Variants in POPDC2 observed in about 807,000 individuals in gnomAD.
POPDC2 encodes the protein popeye domain cAMP effector 2.
A neutral mutation model predicts 30.5 loss-of-function variants in POPDC2; 24 were observed. That is an observed-to-expected ratio of 0.79 (90% confidence interval 0.57 to 1.11). POPDC2 has a LOEUF of 1.11. Among genes scored for constraint, POPDC2 ranks in the 50% least tolerant of loss-of-function variants. The pLI is 0.00. For synonymous variants in POPDC2, 185 were observed against 183.3 expected, an observed-to-expected ratio of 1.01 and a Z score of -0.07; for missense variants, 409 against 447.0, an observed-to-expected ratio of 0.91 and a Z score of 0.77.
intron 1 of POPDC2, among the ~76,000 whole-genome samples, chr3:119,659,452 C>A (rs968877715): frequency 6.6e-5 from 10 of 152,210 alleles, no homozygotes; most frequent in African/African-American, 2.2e-4. Context: ...ATGAGAACCA[C>A]CCCGCTATCC....
intron 1 of POPDC2, among the ~76,000 whole-genome samples, chr3:119,655,648 A>C (rs566050826): frequency 6.6e-6 from 1 of 152,300 alleles, no homozygotes; most frequent in South Asian, 2.1e-4. Context: ...TAGACACTTT[A>C]CCAGTGTTCT....
At chr3:119,644,920 A>C (rs72957083) in intron 3 of POPDC2, among the ~76,000 whole-genome samples, 1 of 152,218 alleles carries the variant, frequency 6.6e-6, no homozygotes, top group South Asian at 2.1e-4. Context: ...TTCAAAACAC[A>C]ATTTCAGAAA....
chr3:119,653,327 G>C (rs77808877), intron 2 of POPDC2, among the ~76,000 whole-genome samples: 1,717 of 152,288 alleles, frequency 0.011, 26 homozygotes, highest in African/African-American at 0.038. Flanking sequence ...ATAAGTGAGA[G>C]CTACAAAGAA....
chr3:119,648,622 C>T lies in POPDC2; in HGVS notation c.647G>A (p.Arg216Gln), dbSNP rs564285845. ...ETSCSYISWP[R>Q]KSLHLLLTKE... ...GGTCAGAAGAAGATGGAGACTTTTC[C>T]GGGGCCAGGAAATGTAGCTACATGA... Residue 216 changes from arginine (R) to glutamine (Q), a missense_variant, in exon 3 of 4, where the codon CGG becomes CAG. Coordinates refer to ENST00000493094, the MANE Select transcript of POPDC2 (RefSeq NM_001369919.2). 1.7e-5 allele frequency: 28 copies of T among 1,614,056 alleles called. No homozygotes were observed. The South Asian group carries it at 2.5e-4, about 15-fold the overall frequency.
In POPDC2 at chr3:119,660,429, G is replaced by C; in HGVS notation, c.-6C>G. On this transcript the variant is annotated 5_prime_UTR_variant, in exon 1 of 4. Coordinates refer to ENST00000493094, the MANE Select transcript of POPDC2 (RefSeq NM_001369919.2). ...CTGCTGCTGTTGGCGCTCATCTTTG[G>C]GGCCTCTCAAAGCCTCACTGGGCTC... 1.2e-6 allele frequency: 2 copies of C among 1,607,966 alleles called. No homozygotes were observed. Among genetic ancestry groups the C allele is most frequent in the Non-Finnish European group, 1.7e-6 (2 of 1,176,190 alleles).
chr3:119,654,368 G>A, intron 2 of POPDC2, 137 bp downstream of exon 2: 1 of 640,658 alleles, frequency 1.6e-6, no homozygotes, highest in South Asian at 1.9e-5. Context: ...CTTTTCAGAG[G>A]AAGAGTGCCC....
At chr3:119,660,771 C>A (rs190991704), upstream of POPDC2, 3 of 198,306 alleles carry the variant, frequency 1.5e-5, no homozygotes, top group East Asian at 3.4e-4. Context: ...AAATTTGGTT[C>A]TTAGCAGAAA....
intron 2 of POPDC2, among the ~76,000 whole-genome samples, chr3:119,650,880 C>T (rs533308757): frequency 2.6e-5 from 4 of 152,364 alleles, no homozygotes; most frequent in African/African-American, 4.8e-5. Context: ...TAACATCAAA[C>T]ACTGAACTTC....
At chr3:119,653,871 C>T (rs542250289) in intron 2 of POPDC2, among the ~76,000 whole-genome samples, 7 of 152,168 alleles carry the variant, frequency 4.6e-5, no homozygotes, top group African/African-American at 1.7e-4. Context: ...CTTCAGAGTT[C>T]ACTGTGCAGA....
intron 2 of POPDC2, 124 bp from the exon 3 acceptor site, chr3:119,648,792 C>G: frequency 1.2e-6 from 1 of 831,464 alleles, no homozygotes; most frequent in Non-Finnish European, 1.9e-6. Context: ...TGTGGGAGTA[C>G]CCCTCTATGG....
chr3:119,656,354 G>A (rs953438713), intron 1 of POPDC2, among the ~76,000 whole-genome samples: 47 of 152,140 alleles, frequency 3.1e-4, no homozygotes, highest in Non-Finnish European at 5.4e-4. Context: ...CCAGAAATCC[G>A]AATTATTTGC....
chr3:119,647,702 TAAC>T (rs1396160986), intron 3 of POPDC2, among the ~76,000 whole-genome samples: 1 of 152,194 alleles, frequency 6.6e-6, no homozygotes, highest in Non-Finnish European at 1.5e-5. Flanking sequence ...CTAGGCTAAA[TAAC>T]AACTGCTTTC....
chr3:119,654,621 G>A lies in POPDC2; in HGVS notation c.492-8C>T, dbSNP rs1161781276. Reference sequence around the variant, plus strand: ...TCCTGGCTCACACGAACCCTGGCAAGGGAAGAGAAGAGATCATGTGGGAAA... The same window carrying A: ...TCCTGGCTCACACGAACCCTGGCAAAGGAAGAGAAGAGATCATGTGGGAAA... On this transcript the variant is annotated splice_region_variant and splice_polypyrimidine_tract_variant and intron_variant, in intron 1 of 3. Coordinates refer to ENST00000493094, the MANE Select transcript of POPDC2 (RefSeq NM_001369919.2). The A allele has an allele frequency of 7.5e-6, 12 of 1,608,610 alleles. No homozygotes were observed. Among genetic ancestry groups the A allele is most frequent in the Admixed American group, 6.7e-5 (4 of 59,980 alleles).
rs768065239 is a variant in POPDC2, at chr3:119,660,471, T to A, written c.-48A>T. The A allele has an allele frequency of 3.2e-6, 5 of 1,550,474 alleles. No homozygotes were observed. In the African/African-American group the frequency reaches 6.9e-5, roughly 21 times the overall value. ...ACTGGGCTCTAATACTGTCCTCACATAGGAAATTCAGAAAATGAATGAATC... is the reference window on the plus strand; with the variant it reads ...ACTGGGCTCTAATACTGTCCTCACAAAGGAAATTCAGAAAATGAATGAATC... On this transcript the variant is annotated 5_prime_UTR_variant, in exon 1 of 4. The change abolishes an upstream ATG in the 5' untranslated region. Coordinates refer to ENST00000493094, the MANE Select transcript of POPDC2 (RefSeq NM_001369919.2).
intron 2 of POPDC2, 129 bp downstream of exon 2, chr3:119,654,375 GC>G: frequency 3.0e-6 from 2 of 663,742 alleles, no homozygotes; most frequent in African/African-American, 1.8e-5. Flanking sequence ...GAGGAAGAGT[GC>G]CCCCGCCTGT....
At chr3:119,659,196 T>G (rs1402851616) in intron 1 of POPDC2, among the ~76,000 whole-genome samples, 1 of 152,250 alleles carries the variant, frequency 6.6e-6, no homozygotes, top group African/African-American at 2.4e-5. Context: ...ACTGTCAGCC[T>G]TCTCCAAAAG....
At chr3:119,645,379 G>A (rs1314589710) in intron 3 of POPDC2, among the ~76,000 whole-genome samples, 1 of 152,048 alleles carries the variant, frequency 6.6e-6, no homozygotes, top group African/African-American at 2.4e-5. Context: ...TGGCTAACAC[G>A]GTGAAACCCT....
rs994877358 is a variant in POPDC2, at chr3:119,648,515, G to A, written c.754C>T (p.Leu252Phe). ...SEKLYTLNDK[L>F]FAKFGLRFDI... ...AAGCGCAGCCCAAACTTAGCAAAGA[G>A]CTTGTCATTGAGAGTGTAGAGCTTC... Residue 252 changes from leucine (L) to phenylalanine (F), a missense_variant, in exon 3 of 4, where the codon CTC (leucine) becomes TTC (phenylalanine). Transcript: ENST00000493094. The A allele has an allele frequency of 6.2e-7, 1 of 1,614,152 alleles. No homozygotes were observed. The highest frequency in any genetic ancestry group is 8.5e-7 in the Non-Finnish European group (1 of 1,180,014).
At chr3:119,656,305 C>T (rs2052878471) in intron 1 of POPDC2, among the ~76,000 whole-genome samples, 1 of 151,936 alleles carries the variant, frequency 6.6e-6, no homozygotes, top group African/African-American at 2.4e-5. Context: ...GACCTTTTTT[C>T]CCCCTTCTGT....
Sources: allele counts gnomAD v4.1 joint callset (sites outside exome capture counted in the v4.1 genomes callset), GRCh38; gene constraint gnomAD v4.1.1; transcripts MANE v1.5; gene names NCBI Gene and HGNC (gene_info 2026-07-23, HGNC 2026-07-21).